Variants in EPB41L2 observed in about 807,000 individuals in gnomAD.
EPB41L2 encodes band 4.1-like protein 2.
A neutral mutation model predicts 113.0 loss-of-function variants in EPB41L2; 43 were observed. The observed-to-expected ratio is 0.38, with a 90% confidence interval of 0.30 to 0.49. EPB41L2 has a LOEUF of 0.49. Among genes scored for constraint, EPB41L2 ranks in the 20% least tolerant of loss-of-function variants. EPB41L2 has a pLI of 0.95. For synonymous variants in EPB41L2, 442 were observed against 436.7 expected (o/e 1.01, Z -0.15); for missense variants, 1,147 against 1,223.4 (o/e 0.94, Z 0.93).
At chr6:130,904,967 G>A (rs1797310192) in intron 5 of EPB41L2, among the ~76,000 whole-genome samples, 1 of 150,336 alleles carries the variant, frequency 6.7e-6, no homozygotes, top group Non-Finnish European at 1.5e-5. Flanking sequence ...TGGGGAAGGA[G>A]AGTAATGATC....
chr6:130,896,960 T>C (rs1394069925), intron 8 of EPB41L2, among the ~76,000 whole-genome samples: 1 of 152,080 alleles, frequency 6.6e-6, no homozygotes, highest in East Asian at 1.9e-4. Flanking sequence ...CGTGGTCACC[T>C]CAGGCTGACT....
intron 3 of EPB41L2, among the ~76,000 whole-genome samples, chr6:130,953,854 A>G (rs1583871348): frequency 6.6e-6 from 1 of 151,834 alleles, no homozygotes; most frequent in East Asian, 1.9e-4. Flanking sequence ...GGAAGCAGAG[A>G]TCAAGCCCCT....
At chr6:130,925,350 G>A (rs551912414) in intron 4 of EPB41L2, among the ~76,000 whole-genome samples, 16 of 151,748 alleles carry the variant, frequency 1.1e-4, no homozygotes, top group East Asian at 3.9e-4. Context: ...CACCATGCCC[G>A]GCTAATTTTT....
intron 4 of EPB41L2, among the ~76,000 whole-genome samples, chr6:130,919,203 T>G (rs1320258968): frequency 6.6e-6 from 1 of 152,204 alleles, no homozygotes; most frequent in Non-Finnish European, 1.5e-5. Flanking sequence ...GTGTCTAATT[T>G]TATATGTTCA....
intron 1 of EPB41L2, among the ~76,000 whole-genome samples, chr6:130,965,968 T>C (rs904126806): frequency 6.6e-6 from 1 of 151,788 alleles, no homozygotes; most frequent in African/African-American, 2.4e-5. Flanking sequence ...TGGGCCACAA[T>C]GGAAGAAGAA....
At chr6:131,000,429 C>G (rs1051440043) in intron 1 of EPB41L2, among the ~76,000 whole-genome samples, 4 of 152,170 alleles carry the variant, frequency 2.6e-5, no homozygotes, top group Non-Finnish European at 4.4e-5. Flanking sequence ...AAGAAAAATA[C>G]AAGCTGTCTC....
Position 130,903,676 on chromosome 6 carries a change from T to A in EPB41L2, c.929+789A>T, listed in dbSNP as rs997506656. On this transcript the variant is annotated intron_variant, in intron 6 of 19. Coordinates refer to ENST00000337057, the MANE Select transcript of EPB41L2 (RefSeq NM_001431.4). Reference sequence around the variant, plus strand: ...AATATGGTATATAAAAATCATCCTTTAAAAAAAAAAATCAACCCTTTATAC... The same window carrying A: ...AATATGGTATATAAAAATCATCCTTAAAAAAAAAAAATCAACCCTTTATAC... 2.0e-5 allele frequency among the ~76,000 whole-genome samples: 3 copies of A among 149,546 alleles called. No individual in the cohort carries two copies. In the East Asian group the frequency reaches 5.9e-4, roughly 29 times the overall value.
At chr6:130,942,053 T>C (rs1411539224) in intron 3 of EPB41L2, among the ~76,000 whole-genome samples, 1 of 152,210 alleles carries the variant, frequency 6.6e-6, no homozygotes, top group Admixed American at 6.5e-5. Context: ...ATCCACGGAT[T>C]TTTACAGACT....
intron 1 of EPB41L2, among the ~76,000 whole-genome samples, chr6:131,047,386 T>C (rs538915992): frequency 6.6e-6 from 1 of 152,306 alleles, no homozygotes; most frequent in East Asian, 1.9e-4. Flanking sequence ...TATAGAACAG[T>C]GTCTGACATA....
intron 1 of EPB41L2, among the ~76,000 whole-genome samples, chr6:131,047,282 G>A (rs1366675951): frequency 6.6e-6 from 1 of 152,142 alleles, no homozygotes; most frequent in Non-Finnish European, 1.5e-5. Context: ...GCTGTAGTAT[G>A]CAATGATCAC....
intron 18 of EPB41L2, among the ~76,000 whole-genome samples, chr6:130,862,305 G>A (rs1007348852): frequency 5.6e-4 from 86 of 152,234 alleles, no homozygotes; most frequent in Non-Finnish European, 1.5e-4. Flanking sequence ...GGGGAGAGGG[G>A]GGTGGAAGAA....
At chr6:130,859,714 C>G (rs1195202147) in intron 18 of EPB41L2, among the ~76,000 whole-genome samples, 2 of 150,940 alleles carry the variant, frequency 1.3e-5, no homozygotes, top group Non-Finnish European at 2.9e-5. Flanking sequence ...AAACAGAAAC[C>G]CTAAGCCTCG....
chr6:130,945,637 G>A lies in EPB41L2; in HGVS notation c.705+9468C>T, dbSNP rs973287426. Among the ~76,000 whole-genome samples, 6 of 152,214 alleles carry A rather than the reference G, an allele frequency of 3.9e-5. No individual in the cohort carries two copies. In the South Asian group the frequency reaches 6.2e-4, roughly 16 times the overall value. ...TTGCAAACTTTAAAACACATATACCGACTTATCAGTTGTAGTAAAACCAGC... is the reference window on the plus strand; with the variant it reads ...TTGCAAACTTTAAAACACATATACCAACTTATCAGTTGTAGTAAAACCAGC... On this transcript the variant is annotated intron_variant, in intron 3 of 19. Coordinates refer to ENST00000337057, the MANE Select transcript of EPB41L2 (RefSeq NM_001431.4).
At position 130,887,460 on chromosome 6, in the gene EPB41L2, ACC is replaced by A. The variant is rs530576870; in HGVS notation, c.1661-2194_1661-2193del. Among the ~76,000 whole-genome samples, 16 of 151,790 alleles carry A rather than the reference ACC, an allele frequency of 1.1e-4. No homozygotes were observed. In the South Asian group the frequency reaches 3.3e-3, roughly 32 times the overall value. ...CTTGCGGGCACATAAACCCACATAA[ACC>A]CTTCAATGGTTTCCTAGAGCATATG... On this transcript the variant is annotated intron_variant, in intron 11 of 19. Coordinates refer to ENST00000337057, the MANE Select transcript of EPB41L2 (RefSeq NM_001431.4).
intron 1 of EPB41L2, among the ~76,000 whole-genome samples, chr6:131,038,484 A>AT (rs1011779193): frequency 4.6e-4 from 70 of 152,336 alleles, no homozygotes; most frequent in African/African-American, 1.6e-3. Flanking sequence ...AATTTCACAC[A>AT]TTTTTTAAAT....
At position 130,869,936 on chromosome 6, in the gene EPB41L2, C is replaced by T; in HGVS notation, c.2234G>A (p.Ser745Asn). 1 of 1,613,146 alleles carries T rather than the reference C, an allele frequency of 6.2e-7. No homozygotes were observed. Among genetic ancestry groups the T allele is most frequent in the Admixed American group, 1.7e-5 (1 of 60,012 alleles). Residue 745 changes from serine (S) to asparagine (N), a missense_variant, in exon 15 of 20, where the codon AGC becomes AAC. Physicochemically the swap from Ser to Asn is conservative, Grantham distance 46. Transcript: ENST00000337057. ...CACGTCTTCCTCCTCACTCTCACTG[C>T]TGCTGCTGCTGCTCTCAGAAGACAG... The part of the protein sequence containing the change: ...TSLSSESSSS[S>N]SESEEEDVGE...
intron 13 of EPB41L2, 119 bp downstream of exon 13, chr6:130,880,024 TC>T (rs1327256130): frequency 1.5e-6 from 1 of 676,864 alleles, no homozygotes. Flanking sequence ...CGAGCTGAAT[TC>T]CCCCATGCAC....
At chr6:130,926,835 C>A (rs2275509) in intron 3 of EPB41L2, 126 bp from the exon 4 acceptor site, 151,207 of 626,038 alleles carry the variant, frequency 0.24, 23,916 homozygotes, top group African/African-American at 0.57. Context: ...TTCTCATTTT[C>A]TAACAATATA....
At position 130,943,450 on chromosome 6, in the gene EPB41L2, T is replaced by C. The variant is rs138690943; in HGVS notation, c.705+11655A>G. 1.8e-3 allele frequency among the ~76,000 whole-genome samples: 271 copies of C among 152,372 alleles called. 2 individuals are homozygous for C. The East Asian group carries it at 0.021, about 12-fold the overall frequency. On this transcript the variant is annotated intron_variant, in intron 3 of 19. Transcript: ENST00000337057. Reference sequence around the variant, plus strand: ...CAGAGAAATAATTCAAAGATCTAGTTCCTGTTCTACTACCACCCTCTGATG... The same window carrying C: ...CAGAGAAATAATTCAAAGATCTAGTCCCTGTTCTACTACCACCCTCTGATG...
Sources: allele counts gnomAD v4.1 joint callset (sites outside exome capture counted in the v4.1 genomes callset), GRCh38; gene constraint gnomAD v4.1.1; transcripts MANE v1.5; gene names NCBI Gene and HGNC (gene_info 2026-07-23, HGNC 2026-07-21).